RASSF5: variants seen among roughly 807,000 people sequenced by gnomAD.
RASSF5 encodes the protein Ras association domain family member 5.
A neutral mutation model predicts 40.5 loss-of-function variants in RASSF5; 25 were observed. The observed-to-expected ratio is 0.62, with a 90% CI of 0.45 to 0.86. RASSF5 has a LOEUF of 0.86. RASSF5 is among the 40% of genes least tolerant of loss of function. The pLI, the probability that RASSF5 is intolerant of heterozygous loss-of-function variation, is 0.00. For synonymous variants in RASSF5, 246 were observed against 252.4 expected (o/e 0.97, Z 0.24); for missense variants, 521 against 572.8 (o/e 0.91, Z 0.92).
At chr1:206,538,005 G>A (rs1222313691) in intron 1 of RASSF5, among the ~76,000 whole-genome samples, 167 bp from the exon 2 acceptor site, 2 of 152,210 alleles carry the variant, frequency 1.3e-5, no homozygotes, top group South Asian at 2.1e-4. Flanking sequence ...CTTCCTGGGG[G>A]ATCCGAGAGC....
chr1:206,523,109 A>G (rs781952621), intron 1 of RASSF5, among the ~76,000 whole-genome samples: 2 of 151,612 alleles, frequency 1.3e-5, no homozygotes, highest in Non-Finnish European at 2.9e-5. Context: ...GTTCAAGACT[A>G]GCCTGGCCAA....
intron 2 of RASSF5, among the ~76,000 whole-genome samples, chr1:206,576,603 T>C (rs1305173525): frequency 6.6e-6 from 1 of 152,184 alleles, no homozygotes; most frequent in African/African-American, 2.4e-5. Flanking sequence ...GTGATTACCT[T>C]TCTCCATGTG....
rs11580681 is a variant in RASSF5 at position 206,584,898 on chromosome 1, C to T, written c.988+214C>T. The T allele has an allele frequency of 1.7e-6, 1 of 605,556 alleles. No homozygotes were observed. The highest frequency in any genetic ancestry group is 2.0e-5 in the South Asian group (1 of 50,016). The allele number at this position is 605,556 out of a possible 1,614,324, so 37.5% of individuals were successfully genotyped here. A position where few individuals can be genotyped will look rare whatever the true frequency, so the allele number is the denominator to read the frequency against. ...CATGTGACTTCAGGAAAACCACACCCTAGGCTCCCATTTCCTGATCTGTGC... is the reference window on the plus strand; with the variant it reads ...CATGTGACTTCAGGAAAACCACACCTTAGGCTCCCATTTCCTGATCTGTGC... On this transcript the variant is annotated intron_variant, in intron 4 of 5. Coordinates refer to ENST00000579436, the MANE Select transcript of RASSF5 (RefSeq NM_182663.4). The surrounding 1 kb of genome is among the most constrained non-coding windows in gnomAD (Gnocchi z 4.9).
intron 1 of RASSF5, among the ~76,000 whole-genome samples, chr1:206,511,846 C>T (rs967362585): frequency 1.2e-4 from 19 of 152,124 alleles, no homozygotes; most frequent in African/African-American, 4.1e-4. Flanking sequence ...CAGCTGGAAC[C>T]GCCTGCGTGA....
At chr1:206,580,132 C>T (rs1553405962) in intron 2 of RASSF5, among the ~76,000 whole-genome samples, 2 of 152,180 alleles carry the variant, frequency 1.3e-5, no homozygotes, top group African/African-American at 2.4e-5. Flanking sequence ...GTCACTTCCC[C>T]GCGTTTGTGG....
At chr1:206,537,028 G>A (rs573942004) in intron 1 of RASSF5, among the ~76,000 whole-genome samples, 110 of 150,228 alleles carry the variant, frequency 7.3e-4, no homozygotes, top group African/African-American at 2.3e-3. Flanking sequence ...CCCCACCCCC[G>A]CTCCCCTGCC....
rs377661302 is a variant in RASSF5, at chr1:206,584,509, G to A, written c.813G>A (p.Ala271=). ...ATGCCATCAAGGAGGTGAACCTGGC[G>A]GCTACCACGGACAAGCGGACATCCT... ...IYDAIKEVNL[A]ATTDKRTSFY... is the part of the protein sequence containing the mutation. Residue 271 remains alanine (A), a synonymous_variant, in exon 4 of 6, where the codon GCG becomes GCA. Coordinates refer to ENST00000579436, the MANE Select transcript of RASSF5 (RefSeq NM_182663.4). This position sits in a 1 kb window ranked among gnomAD's most constrained non-coding sequence, Gnocchi z 4.9. The A allele has an allele frequency of 5.7e-5, 92 of 1,613,994 alleles. No individual in the cohort carries two copies. Among genetic ancestry groups the A allele is most frequent in the Admixed American group, 2.2e-4 (13 of 60,004 alleles).
chr1:206,547,128 A>T lies in RASSF5; in HGVS notation c.579+8835A>T, dbSNP rs571587814. Reference sequence around the variant, plus strand: ...TCTATTTTATACCAAAAAAAATTTTAAAAAAGAAAAGAAAAGACAAAAATG... The same window carrying T: ...TCTATTTTATACCAAAAAAAATTTTTAAAAAGAAAAGAAAAGACAAAAATG... On this transcript the variant is annotated intron_variant, in intron 2 of 5. Transcript: ENST00000579436. Among the ~76,000 whole-genome samples, 433 of 152,296 alleles carry T rather than the reference A, an allele frequency of 2.8e-3. 4 individuals are homozygous for T. Among genetic ancestry groups the T allele is most frequent in the African/African-American group, 9.5e-3 (394 of 41,556 alleles).
chr1:206,554,422 TA>T (rs537422717), intron 2 of RASSF5, among the ~76,000 whole-genome samples: 92 of 152,332 alleles, frequency 6.0e-4, no homozygotes, highest in African/African-American at 2.0e-3. Flanking sequence ...AAGCTTAAAA[TA>T]ATGTCTTTCA....
At chr1:206,561,032 A>T (rs1668122962) in intron 2 of RASSF5, among the ~76,000 whole-genome samples, 1 of 152,206 alleles carries the variant, frequency 6.6e-6, no homozygotes, top group East Asian at 1.9e-4. Flanking sequence ...AGGCTTTGAC[A>T]TCTGAGCGGG....
intron 1 of RASSF5, among the ~76,000 whole-genome samples, chr1:206,520,386 C>A (rs1666873134): frequency 6.6e-6 from 1 of 152,128 alleles, no homozygotes; most frequent in Admixed American, 6.5e-5. Flanking sequence ...GCAGGCAGAT[C>A]ACCTGAGGTC....
chr1:206,512,098 G>A (rs1262327248), intron 1 of RASSF5, among the ~76,000 whole-genome samples: 3 of 152,110 alleles, frequency 2.0e-5, no homozygotes, highest in African/African-American at 7.2e-5. Flanking sequence ...CCCGTGTTTG[G>A]CTTTAGAGTT....
At chr1:206,516,842 G>A (rs1164016566) in intron 1 of RASSF5, among the ~76,000 whole-genome samples, 2 of 152,214 alleles carry the variant, frequency 1.3e-5, no homozygotes, top group Non-Finnish European at 2.9e-5. Flanking sequence ...CCTGTGCTCA[G>A]CCAGGCAGGA....
intron 2 of RASSF5, among the ~76,000 whole-genome samples, chr1:206,562,546 G>A (rs1021908222): frequency 2.0e-5 from 3 of 152,070 alleles, no homozygotes; most frequent in Non-Finnish European, 4.4e-5. Flanking sequence ...TTCACTGCCC[G>A]CTGCCTCCTC....
At chr1:206,557,569 G>C in intron 2 of RASSF5, 1 of 1,613,890 alleles carries the variant, frequency 6.2e-7, no homozygotes, top group East Asian at 2.2e-5. Context: ...GGAACTCCGG[G>C]GTAGATGACC....
intron 2 of RASSF5, among the ~76,000 whole-genome samples, chr1:206,569,185 T>G (rs181911767): frequency 6.6e-6 from 1 of 152,220 alleles, no homozygotes; most frequent in Non-Finnish European, 1.5e-5. Context: ...TTATTTAACG[T>G]GTATTCGCGG....
chr1:206,564,881 G>A (rs1223118328), intron 2 of RASSF5, among the ~76,000 whole-genome samples: 4 of 152,164 alleles, frequency 2.6e-5, no homozygotes, highest in Middle Eastern at 3.2e-3. Context: ...CTGACAGACA[G>A]CTTCAGGCTT....
intron 2 of RASSF5, among the ~76,000 whole-genome samples, chr1:206,574,853 CTT>C (rs71570015): frequency 0.011 from 951 of 86,072 alleles, 9 homozygotes; most frequent in African/African-American, 0.038. Flanking sequence ...GGACCAATGA[CTT>C]TTTTTTTTTT....
At position 206,567,271 on chromosome 1, in the gene RASSF5, G is replaced by C. The variant is rs188372055; in HGVS notation, c.580-15998G>C. Among the ~76,000 whole-genome samples, 301 of 152,296 alleles carry C rather than the reference G, an allele frequency of 2.0e-3. 2 individuals carry two copies. The highest frequency in any genetic ancestry group is 6.7e-3 in the African/African-American group (278 of 41,556). On this transcript the variant is annotated intron_variant, in intron 2 of 5. Coordinates refer to ENST00000579436, the MANE Select transcript of RASSF5 (RefSeq NM_182663.4). ...CTTCCTCTAGTGGGGCCTCCGAGGG[G>C]GTTGGGCAGAGGGGTCCATGGGAGG...
Sources: gnomAD v4.1 joint callset for allele counts (sites outside exome capture counted in the v4.1 genomes callset) on GRCh38, gnomAD v4.1.1 for gene constraint, Gnocchi (gnomAD v3.1) non-coding constraint, MANE v1.5 for transcripts, NCBI Gene and HGNC (gene_info 2026-07-23, HGNC 2026-07-21) for gene names.